Variants in CFHR5 observed in about 807,000 individuals in gnomAD.
CFHR5 encodes the protein complement factor H-related protein 5.
In CFHR5, 73 loss-of-function variants were observed where a neutral mutation model predicts 62.9. That is an observed-to-expected ratio of 1.16 (90% confidence interval 0.96 to 1.41). The LOEUF is 1.41. CFHR5 is among the 40% of genes most tolerant of loss of function. CFHR5 has a pLI of 0.00. For missense variants in CFHR5, 779 were observed against 679.9 expected (o/e 1.15, Z -1.62); for synonymous variants, 249 against 227.2 (o/e 1.10, Z -0.86).
At position 197,004,722 on chromosome 1, in the gene CFHR5, A is replaced by G. The variant is rs146399759; in HGVS notation, c.1392A>G (p.Pro464=). 19 of 1,613,298 alleles carry G rather than the reference A, an allele frequency of 1.2e-5. No individual in the cohort carries two copies. In the African/African-American group the frequency reaches 2.3e-4, roughly 19 times the overall value. ...SINNGDTTSF[P]LSVYPPGSTV... is the part of the protein sequence containing the mutation. ...ACAATGGAGATACCACCTCATTCCC[A>G]TTATCAGTATATCCTCCAGGGTCAA... Residue 464 remains proline, a synonymous_variant, in exon 9 of 10, where the codon CCA becomes CCG. Transcript: ENST00000256785.
intron 3 of CFHR5, among the ~76,000 whole-genome samples, chr1:196,988,141 G>C (rs140419548): frequency 0.014 from 2,057 of 152,162 alleles, 45 homozygotes; most frequent in African/African-American, 0.045. Flanking sequence ...ATTGAGAAGG[G>C]GAGTTCACTC....
At position 197,009,255 on chromosome 1, in the gene CFHR5, C is replaced by T. The variant is rs529500424; in HGVS notation, c.*572C>T. 6.6e-6 allele frequency: 1 copy of T among 152,486 alleles called. No homozygotes were observed. The highest frequency in any genetic ancestry group is 1.9e-4 in the East Asian group (1 of 5,184). 9.4% of individuals were successfully genotyped at this position (152,486 alleles called of 1,614,324 possible). On this transcript the variant is annotated 3_prime_UTR_variant, in exon 10 of 10. Coordinates refer to ENST00000256785, the MANE Select transcript of CFHR5 (RefSeq NM_030787.4). Reference sequence around the variant, plus strand: ...ACTTAATCACCTTCTAAAGATCTCACCTGACAACACTGTTGCATTGGCAGT... The same window carrying T: ...ACTTAATCACCTTCTAAAGATCTCATCTGACAACACTGTTGCATTGGCAGT...
chr1:196,983,136 G>A, intron 2 of CFHR5, 57 bp downstream of exon 2: 2 of 1,608,514 alleles, frequency 1.2e-6, no homozygotes, highest in Admixed American at 1.7e-5. Flanking sequence ...AGAAGGATGT[G>A]CCGGACAAGA....
chr1:196,987,037 C>T (rs538105019), intron 3 of CFHR5, among the ~76,000 whole-genome samples: 1 of 152,088 alleles, frequency 6.6e-6, no homozygotes, highest in Non-Finnish European at 1.5e-5. Context: ...TCTGTTGTTC[C>T]CTGACTTTTT....
chr1:196,982,552 A>C (rs1394334042), intron 1 of CFHR5, among the ~76,000 whole-genome samples: 1 of 152,028 alleles, frequency 6.6e-6, no homozygotes, highest in African/African-American at 2.4e-5. Context: ...AGGCACCTGT[A>C]ATCTCAGGTA....
intron 1 of CFHR5, among the ~76,000 whole-genome samples, chr1:196,980,810 G>A (rs1176243248): frequency 6.6e-6 from 1 of 152,086 alleles, no homozygotes; most frequent in Non-Finnish European, 1.5e-5. Context: ...AGTTCTAAAG[G>A]ATAGGTAGAA....
chr1:196,993,641 G>A (rs998221212), intron 3 of CFHR5, among the ~76,000 whole-genome samples: 10 of 152,004 alleles, frequency 6.6e-5, no homozygotes, highest in African/African-American at 2.2e-4. Flanking sequence ...TTGACAAAAA[G>A]TAATTAAATA....
In CFHR5 at chr1:197,008,601, T is replaced by C. The variant is rs775126222; in HGVS notation, c.1628T>C (p.Phe543Ser). The C allele has an allele frequency of 1.2e-6, 2 of 1,613,794 alleles. No individual in the cohort carries two copies. The highest frequency in any genetic ancestry group is 1.7e-6 in the Non-Finnish European group (2 of 1,179,822). ...TGDAVEFQCKFPHKAMISSPP... is the reference protein window; with the variant it reads ...TGDAVEFQCKSPHKAMISSPP... ...GATGCTGTTGAATTCCAGTGTAAAT[T>C]CCCACATAAAGCGATGATATCATCA... is the stretch of plus-strand genomic sequence containing the variant. Residue 543 changes from phenylalanine (F) to serine (S), a missense_variant, in exon 10 of 10, where the codon TTC becomes TCC. Transcript: ENST00000256785.
chr1:196,986,092 A>G (rs116525210), intron 3 of CFHR5, among the ~76,000 whole-genome samples: 2,049 of 152,308 alleles, frequency 0.013, 39 homozygotes, highest in African/African-American at 0.045. Context: ...CTCCAAAGTG[A>G]AAGAATTCAG....
intron 4 of CFHR5, among the ~76,000 whole-genome samples, chr1:196,995,401 T>C (rs184013671): frequency 1.3e-5 from 2 of 152,292 alleles, no homozygotes; most frequent in African/African-American, 4.8e-5. Flanking sequence ...TTCACTGTCA[T>C]TTACTTTCAA....
chr1:196,995,900 G>T lies in CFHR5; in HGVS notation c.790+1G>T. The stretch of plus-strand genomic sequence containing the variant: ...TGGACAACTTTACCCACTTGTGTTG[G>T]TAAATAAATATTAACATTTAAACAG... On this transcript the variant is annotated splice_donor_variant, in intron 5 of 9. Coordinates refer to ENST00000256785, the MANE Select transcript of CFHR5 (RefSeq NM_030787.4). LOFTEE classifies it high-confidence loss of function. 6.2e-7 allele frequency: 1 copy of T among 1,611,154 alleles called. No individual in the cohort carries two copies. Among genetic ancestry groups the T allele is most frequent in the Non-Finnish European group, 8.5e-7 (1 of 1,177,572 alleles).
At chr1:196,998,401 G>C (rs1047249338) in intron 7 of CFHR5, 97 bp downstream of exon 7, 11 of 1,021,362 alleles carry the variant, frequency 1.1e-5, no homozygotes. Flanking sequence ...ATTTATTGTG[G>C]CATATAATTT....
At chr1:196,988,276 C>T (rs905173977) in intron 3 of CFHR5, among the ~76,000 whole-genome samples, 3 of 152,042 alleles carry the variant, frequency 2.0e-5, no homozygotes, top group Non-Finnish European at 2.9e-5. Flanking sequence ...TGGGCTGAGA[C>T]GATGGGGTTT....
At chr1:197,000,726 T>C (rs1205574901) in intron 7 of CFHR5, among the ~76,000 whole-genome samples, 4 of 151,998 alleles carry the variant, frequency 2.6e-5, no homozygotes, top group African/African-American at 9.7e-5. Flanking sequence ...TTCAAAAGAG[T>C]CTTGATGATA....
intron 3 of CFHR5, among the ~76,000 whole-genome samples, chr1:196,986,372 T>TATA (rs1553313688): frequency 2.0e-5 from 3 of 150,738 alleles, no homozygotes; most frequent in African/African-American, 7.3e-5. Context: ...TATTTTCTTT[T>TATA]TATATATATA....
intron 7 of CFHR5, 33 bp downstream of exon 7, chr1:196,998,337 G>T: frequency 6.5e-7 from 1 of 1,543,412 alleles, no homozygotes; most frequent in Non-Finnish European, 8.9e-7. Context: ...TGTTGATCTT[G>T]TTGCTTCTTT....
At chr1:197,006,351 C>G (rs537266346) in intron 9 of CFHR5, among the ~76,000 whole-genome samples, 1 of 152,188 alleles carries the variant, frequency 6.6e-6, no homozygotes, top group South Asian at 2.1e-4. Context: ...CATGATCTAA[C>G]TATGAAATGT....
At chr1:197,002,449 T>A in intron 7 of CFHR5, 33 bp from the exon 8 acceptor site, 1 of 1,558,954 alleles carries the variant, frequency 6.4e-7, no homozygotes, top group Non-Finnish European at 8.8e-7. Context: ...TTAACTTTTA[T>A]TAATCATATA....
chr1:196,999,718 TATATACACACACACAC>T (rs1282225009), intron 7 of CFHR5, among the ~76,000 whole-genome samples: 464 of 45,116 alleles, frequency 0.01, 3 homozygotes, highest in East Asian at 0.093. Context: ...TATATATATA[TATATACACACACACAC>T]ATATATATAC....
Sources: gnomAD v4.1 joint callset for allele counts (sites outside exome capture counted in the v4.1 genomes callset) on GRCh38, gnomAD v4.1.1 for gene constraint, MANE v1.5 for transcripts, NCBI Gene and HGNC (gene_info 2026-07-23, HGNC 2026-07-21) for gene names.